The following POM121 variants were observed in gnomAD, a reference collection of about 807,000 sequenced individuals.
The protein encoded by POM121 is POM121 transmembrane nucleoporin.
POM121 carries 32 observed loss-of-function variants against 81.3 expected under a neutral mutation model. The ratio of observed to expected loss-of-function variants is 0.39; its 90% CI spans 0.30 to 0.53. The LOEUF (loss-of-function observed/expected upper bound fraction) is 0.53, where lower values mean the gene tolerates loss of function less well. Among genes scored for constraint, POM121 ranks in the 20% least tolerant of loss-of-function variants. The pLI, the probability that POM121 is intolerant of heterozygous loss-of-function variation, is 0.66. For missense variants in POM121, 1,138 were observed against 1,614.6 expected (o/e 0.70, Z 5.06); for synonymous variants, 514 against 694.2 (o/e 0.74, Z 4.08).
intron 1 of POM121, among the ~76,000 whole-genome samples, chr7:72,882,303 G>A (rs1197244483): frequency 6.6e-6 from 1 of 152,182 alleles, no homozygotes; most frequent in South Asian, 2.1e-4. Flanking sequence ...CATCACCAGA[G>A]CAGAAGGAAG....
intron 3 of POM121, among the ~76,000 whole-genome samples, chr7:72,910,880 G>A (rs1448529010): frequency 7.2e-5 from 11 of 152,090 alleles, no homozygotes; most frequent in African/African-American, 2.7e-4. Flanking sequence ...GGAGGCCAAA[G>A]AACAAACCAT....
intron 1 of POM121, 129 bp downstream of exon 1, chr7:72,925,894 A>C: frequency 8.5e-7 from 1 of 1,176,880 alleles, no homozygotes; most frequent in Non-Finnish European, 1.1e-6. Flanking sequence ...GCCCTCCTTA[A>C]CACCTTGGTG....
intron 3 of POM121, among the ~76,000 whole-genome samples, chr7:72,894,983 G>A (rs1388255405): frequency 2.0e-5 from 3 of 152,018 alleles, no homozygotes; most frequent in Non-Finnish European, 2.9e-5. Flanking sequence ...TGCCCACCAC[G>A]CCCAGCTAAT....
chr7:72,949,974 A>C, downstream of POM121: 1 of 1,605,640 alleles, frequency 6.2e-7, no homozygotes, highest in South Asian at 1.1e-5. Flanking sequence ...GGCAGGCAGA[A>C]CACAGGGGCC....
chr7:72,880,606 G>A (rs1435948650), intron 1 of POM121, among the ~76,000 whole-genome samples: 1 of 151,994 alleles, frequency 6.6e-6, no homozygotes, highest in Non-Finnish European at 1.5e-5. Flanking sequence ...AAGAAAATGC[G>A]GGCGGGATGC....
At chr7:72,922,190 G>A (rs1794876738), upstream of POM121, among the ~76,000 whole-genome samples, 1 of 151,956 alleles carries the variant, frequency 6.6e-6, no homozygotes, top group Non-Finnish European at 1.5e-5. Flanking sequence ...ATATTATTAG[G>A]TATTTGTGTT....
intron 4 of POM121, among the ~76,000 whole-genome samples, chr7:72,914,747 G>C (rs782700442): frequency 7.2e-5 from 11 of 152,136 alleles, no homozygotes; most frequent in Admixed American, 2.6e-4. Flanking sequence ...ACTGTCAATA[G>C]TGAGTTTGTG....
chr7:72,920,894 G>A (rs1794758878), upstream of POM121, among the ~76,000 whole-genome samples: 1 of 152,084 alleles, frequency 6.6e-6, no homozygotes, highest in Admixed American at 6.5e-5. Flanking sequence ...AAAAATTAAA[G>A]AGGCTGGGCA....
Position 72,930,054 on chromosome 7 carries a change from T to A in POM121, c.1218T>A (p.Pro406=), listed in dbSNP as rs1795860398. Residue 406 remains proline, a synonymous_variant, in exon 5 of 13, where the codon CCT becomes CCA. Transcript: ENST00000434423. ...CAGGCGCTTACGCAAGTGGCATCCC[T>A]AGCTCCAGCCGCAATGCCATTACCA... ...SLTGAYASGI[P]SSSRNAITSS... 6.2e-7 allele frequency: 1 copy of A among 1,613,904 alleles called. No individual in the cohort carries two copies. Among genetic ancestry groups the A allele is most frequent in the Non-Finnish European group, 8.5e-7 (1 of 1,179,864 alleles).
At chr7:72,919,475 G>T (rs186934302) in intron 4 of POM121, among the ~76,000 whole-genome samples, 1 of 151,830 alleles carries the variant, frequency 6.6e-6, no homozygotes, top group African/African-American at 2.4e-5. Context: ...TGTTGGTGAT[G>T]AATTCTTTCA....
chr7:72,946,290 C>A lies in POM121; in HGVS notation c.*56C>A, dbSNP rs1324142028. Reference sequence around the variant, plus strand: ...CCTTCCCTAAATCTGGACCTTGGCACCTGCTAGGAAGAGCCTTGGACCCTT... The same window carrying A: ...CCTTCCCTAAATCTGGACCTTGGCAACTGCTAGGAAGAGCCTTGGACCCTT... On this transcript the variant is annotated 3_prime_UTR_variant, in exon 13 of 13. Transcript: ENST00000434423. 1.2e-6 allele frequency: 2 copies of A among 1,600,736 alleles called. No individual in the cohort carries two copies. The highest frequency in any genetic ancestry group is 3.4e-5 in the Admixed American group (2 of 58,138).
chr7:72,949,856 T>A (rs373044800), downstream of POM121: 4 of 1,575,208 alleles, frequency 2.5e-6, no homozygotes, highest in African/African-American at 5.4e-5. Flanking sequence ...CCTTGGTTCT[T>A]CAGAAGAGCA....
intron 1 of POM121, among the ~76,000 whole-genome samples, chr7:72,884,541 TATACATATA>T (rs1315631941): frequency 2.1e-5 from 3 of 145,412 alleles, no homozygotes; most frequent in African/African-American, 7.4e-5. Context: ...ATAGCAAATA[TATACATATA>T]ATATATATTT....
chr7:72,895,488 G>A (rs1791850314), intron 3 of POM121, among the ~76,000 whole-genome samples: 1 of 152,014 alleles, frequency 6.6e-6, no homozygotes, highest in Admixed American at 6.6e-5. Flanking sequence ...CTCTTCCCTG[G>A]CCCCTCCTTC....
upstream of POM121, among the ~76,000 whole-genome samples, chr7:72,924,014 C>G (rs1795100609): frequency 6.6e-6 from 1 of 151,366 alleles, no homozygotes; most frequent in South Asian, 2.1e-4. Flanking sequence ...GGCGCAATCT[C>G]GGCTCACTGC....
At chr7:72,915,662 A>C (rs1257155025) in intron 4 of POM121, among the ~76,000 whole-genome samples, 2 of 152,120 alleles carry the variant, frequency 1.3e-5, no homozygotes, top group African/African-American at 4.8e-5. Flanking sequence ...AGTATGAGCC[A>C]CTGCGCCCAA....
chr7:72,934,046 T>G (rs1554499031), intron 5 of POM121, among the ~76,000 whole-genome samples: 1 of 152,190 alleles, frequency 6.6e-6, no homozygotes, highest in East Asian at 1.9e-4. Flanking sequence ...CAATCATTAC[T>G]GAGATAAAAA....
chr7:72,903,997 T>G (rs1207236834), intron 3 of POM121, among the ~76,000 whole-genome samples: 5 of 152,144 alleles, frequency 3.3e-5, no homozygotes, highest in African/African-American at 7.2e-5. Context: ...GAGACGGGGG[T>G]TTCACCATGT....
intron 1 of POM121, among the ~76,000 whole-genome samples, chr7:72,887,745 G>A (rs1554490285): frequency 6.6e-6 from 1 of 152,080 alleles, no homozygotes; most frequent in Non-Finnish European, 1.5e-5. Context: ...AAGAATTGCT[G>A]GATCCCGGGA....
Sources: gnomAD v4.1 joint callset for allele counts (sites outside exome capture counted in the v4.1 genomes callset) on GRCh38, gnomAD v4.1.1 for gene constraint, MANE v1.5 for transcripts, NCBI Gene and HGNC (gene_info 2026-07-23, HGNC 2026-07-21) for gene names.